The following DSCAML1 variants were observed in gnomAD, a reference collection of about 807,000 sequenced individuals.
DSCAML1 encodes the protein DS cell adhesion molecule like 1, also known as cell adhesion molecule DSCAML1.
Under a neutral mutation model 200.5 loss-of-function variants are expected in DSCAML1, and 38 were observed. The ratio of observed to expected loss-of-function variants is 0.19; its 90% CI spans 0.15 to 0.25. The LOEUF (loss-of-function observed/expected upper bound fraction) is 0.25. Ranked by LOEUF, DSCAML1 falls within the 10% of genes least tolerant of loss-of-function variation. The pLI is 1.00. For synonymous variants in DSCAML1, 1,215 were observed against 1,165.0 expected (o/e 1.04, Z -0.87); for missense variants, 2,223 against 2,858.8 (o/e 0.78, Z 5.07).
intron 1 of DSCAML1, among the ~76,000 whole-genome samples, chr11:117,806,338 C>T (rs911921706): frequency 9.9e-5 from 15 of 152,170 alleles, no homozygotes; most frequent in African/African-American, 3.1e-4. Flanking sequence ...GAAAGCCTGA[C>T]TCTATGGTGT....
At chr11:117,752,575 C>T (rs1029960093) in intron 3 of DSCAML1, among the ~76,000 whole-genome samples, 3 of 152,132 alleles carry the variant, frequency 2.0e-5, no homozygotes, top group Admixed American at 6.5e-5. Context: ...TGAGGCAGCC[C>T]GAGAATGTCT....
chr11:117,761,284 G>C (rs10892168), intron 3 of DSCAML1, among the ~76,000 whole-genome samples: 141,819 of 152,126 alleles, frequency 0.93, 66,710 homozygotes, highest in East Asian at 1. Flanking sequence ...ACACCTGGCC[G>C]CCATAGGAGG....
At chr11:117,638,592 A>T (rs1448045337) in intron 3 of DSCAML1, among the ~76,000 whole-genome samples, 1 of 152,168 alleles carries the variant, frequency 6.6e-6, no homozygotes, top group Non-Finnish European at 1.5e-5. Context: ...CAATGGATTT[A>T]CCAATTCTGG....
intron 1 of DSCAML1, among the ~76,000 whole-genome samples, chr11:117,804,157 C>T (rs2055687678): frequency 6.6e-6 from 1 of 152,218 alleles, no homozygotes; most frequent in South Asian, 2.1e-4. Flanking sequence ...CCTGGGGTGC[C>T]CCAGTGGTGA....
intron 3 of DSCAML1, among the ~76,000 whole-genome samples, chr11:117,715,663 C>G (rs183016899): frequency 6.6e-6 from 1 of 152,208 alleles, no homozygotes; most frequent in Admixed American, 6.5e-5. Context: ...GTGATGAGTA[C>G]GGGACTGGGA....
intron 3 of DSCAML1, among the ~76,000 whole-genome samples, chr11:117,667,967 A>T (rs1336103927): frequency 6.6e-6 from 1 of 152,236 alleles, no homozygotes; most frequent in Non-Finnish European, 1.5e-5. Flanking sequence ...TGTCAGAGAA[A>T]GCAAGTTGAC....
chr11:117,439,847 C>A lies in DSCAML1; in HGVS notation c.3952G>T (p.Ala1318Ser). 2 of 1,614,190 alleles carry A rather than the reference C, an allele frequency of 1.2e-6. No individual in the cohort carries two copies. The highest frequency in any genetic ancestry group is 1.7e-6 in the Non-Finnish European group (2 of 1,180,012). Residue 1318 changes from alanine to serine, a missense_variant, in exon 22 of 33, where the codon GCC becomes TCC. Transcript: ENST00000651296. ...TCCTTGGTCCACTTCACAGCAGGGG[C>A]TGGATCTCCCACTGAATTGCAAGGC... Reference protein sequence around the residue: ...RLPCNSVGDPAPAVKWTKDSE... With the variant: ...RLPCNSVGDPSPAVKWTKDSE...
chr11:117,546,014 A>G (rs955168051), intron 3 of DSCAML1, among the ~76,000 whole-genome samples: 8 of 152,230 alleles, frequency 5.3e-5, no homozygotes, highest in African/African-American at 1.9e-4. Flanking sequence ...GACCTCGGCT[A>G]TGCGAACTTG....
intron 3 of DSCAML1, among the ~76,000 whole-genome samples, chr11:117,693,211 T>C (rs1260218626): frequency 6.6e-6 from 1 of 152,218 alleles, no homozygotes; most frequent in Non-Finnish European, 1.5e-5. Flanking sequence ...CGTTACTATC[T>C]GAACCTACAT....
chr11:117,738,313 C>A (rs1345191152), intron 3 of DSCAML1, among the ~76,000 whole-genome samples: 1 of 152,050 alleles, frequency 6.6e-6, no homozygotes, highest in Non-Finnish European at 1.5e-5. Context: ...CAAAATGAAA[C>A]CTATTTTGCA....
At chr11:117,530,513 T>C (rs1456063812) in intron 4 of DSCAML1, among the ~76,000 whole-genome samples, 1 of 152,216 alleles carries the variant, frequency 6.6e-6, no homozygotes, top group Non-Finnish European at 1.5e-5. Flanking sequence ...CCCCGTCCCC[T>C]ACTCTTATGA....
At chr11:117,491,826 A>T (rs2049188069) in intron 11 of DSCAML1, among the ~76,000 whole-genome samples, 1 of 152,182 alleles carries the variant, frequency 6.6e-6, no homozygotes, top group African/African-American at 2.4e-5. Flanking sequence ...GCCAGTAGAC[A>T]TCGAAGTAGA....
chr11:117,769,545 ATTT>A (rs1212786390), intron 3 of DSCAML1, among the ~76,000 whole-genome samples: 1 of 2,266 alleles, frequency 4.4e-4, no homozygotes, highest in Non-Finnish European at 2.0e-3. Flanking sequence ...TATATTATAT[ATTT>A]TATATATATA....
intron 30 of DSCAML1, 85 bp downstream of exon 30, chr11:117,432,267 T>TAA: frequency 7.9e-7 from 1 of 1,268,984 alleles, no homozygotes. Flanking sequence ...CTCCTCCCTT[T>TAA]AAAAAAAAAC....
chr11:117,730,349 C>A (rs1425610914), intron 3 of DSCAML1, among the ~76,000 whole-genome samples: 2 of 152,112 alleles, frequency 1.3e-5, no homozygotes, highest in Non-Finnish European at 2.9e-5. Flanking sequence ...TTGGAAAAGG[C>A]AAAGAAACAG....
Position 117,472,021 on chromosome 11 carries a change from T to C in DSCAML1, c.2801A>G (p.Lys934Arg). Residue 934 changes from lysine (K) to arginine (R), a missense_variant, in exon 15 of 33, where the codon AAG becomes AGG. Lys to Arg is a conservative substitution (Grantham distance 26). Transcript: ENST00000651296. ...YKNKSDSWDF[K>R]QSTRNISPTI... Reference sequence around the variant, plus strand: ...GGGGGAGATGTTGCGTGTGGACTGCTTGAAGTCCCAGGAATCTGGAGAGAA... The same window carrying C: ...GGGGGAGATGTTGCGTGTGGACTGCCTGAAGTCCCAGGAATCTGGAGAGAA... The C allele has an allele frequency of 2.5e-6, 4 of 1,613,978 alleles. No homozygotes were observed. The highest frequency in any genetic ancestry group is 3.4e-6 in the Non-Finnish European group (4 of 1,179,958).
At chr11:117,576,018 C>G (rs1219331718) in intron 3 of DSCAML1, among the ~76,000 whole-genome samples, 3 of 152,092 alleles carry the variant, frequency 2.0e-5, no homozygotes, top group Non-Finnish European at 4.4e-5. Context: ...GATGCCAGAG[C>G]CCGAGTGCCC....
At chr11:117,713,088 C>T (rs576730646) in intron 3 of DSCAML1, among the ~76,000 whole-genome samples, 7 of 152,256 alleles carry the variant, frequency 4.6e-5, no homozygotes, top group Admixed American at 1.3e-4. Context: ...AGTTTCCCCA[C>T]GGCTCTTTCT....
chr11:117,476,153 A>G (rs898789694), intron 14 of DSCAML1, among the ~76,000 whole-genome samples: 2 of 152,188 alleles, frequency 1.3e-5, no homozygotes, highest in Admixed American at 6.5e-5. Context: ...AGGGTTTATG[A>G]TGCAAAATAT....
Sources: gnomAD v4.1 joint callset for allele counts (sites outside exome capture counted in the v4.1 genomes callset) on GRCh38, gnomAD v4.1.1 for gene constraint, MANE v1.5 for transcripts, NCBI Gene and HGNC (gene_info 2026-07-23, HGNC 2026-07-21) for gene names.